Variants in SNTG1 observed in about 807,000 individuals in gnomAD.
SNTG1 encodes the protein gamma-1-syntrophin.
Under a neutral mutation model 74.7 loss-of-function variants are expected in SNTG1, and 39 were observed. That is an observed-to-expected ratio of 0.52 (90% confidence interval 0.40 to 0.68). SNTG1 has a LOEUF of 0.68. SNTG1 is among the 30% of genes least tolerant of loss of function. SNTG1 has a pLI of 0.00. For synonymous variants in SNTG1, 254 were observed against 217.1 expected (o/e 1.17, Z -1.49); for missense variants, 685 against 609.5 (o/e 1.12, Z -1.30).
intron 2 of SNTG1, among the ~76,000 whole-genome samples, chr8:50,212,601 T>C (rs2084574069): frequency 6.6e-6 from 1 of 152,166 alleles, no homozygotes; most frequent in South Asian, 2.1e-4. Context: ...TACTTTCTCA[T>C]AAGAAAATGA....
At chr8:50,106,827 G>C (rs556621658) in intron 1 of SNTG1, among the ~76,000 whole-genome samples, 4 of 152,024 alleles carry the variant, frequency 2.6e-5, no homozygotes, top group African/African-American at 9.7e-5. Context: ...TTCACAGATT[G>C]TATAGACTCA....
At chr8:49,956,456 A>G (rs998873584) in intron 1 of SNTG1, among the ~76,000 whole-genome samples, 1 of 152,176 alleles carries the variant, frequency 6.6e-6, no homozygotes, top group Non-Finnish European at 1.5e-5. Context: ...GTGGGTGGTA[A>G]GTAAGTTTGG....
At chr8:50,344,827 G>A (rs562348578) in intron 2 of SNTG1, among the ~76,000 whole-genome samples, 3 of 152,250 alleles carry the variant, frequency 2.0e-5, no homozygotes, top group Non-Finnish European at 2.9e-5. Context: ...CTAACCCCTA[G>A]TACCTCAGAC....
At chr8:50,282,468 A>G (rs2088520409) in intron 2 of SNTG1, among the ~76,000 whole-genome samples, 1 of 152,210 alleles carries the variant, frequency 6.6e-6, no homozygotes, top group Non-Finnish European at 1.5e-5. Context: ...AAGTTACTCA[A>G]CAAATTTACT....
intron 1 of SNTG1, among the ~76,000 whole-genome samples, chr8:50,170,242 AT>A (rs975524868): frequency 8.6e-5 from 13 of 152,020 alleles, no homozygotes; most frequent in African/African-American, 2.9e-4. Context: ...ACAAGGTTAC[AT>A]TTTTTTTAAT....
intron 1 of SNTG1, among the ~76,000 whole-genome samples, chr8:49,959,091 A>C (rs1208102742): frequency 6.6e-6 from 1 of 152,138 alleles, no homozygotes; most frequent in East Asian, 1.9e-4. Context: ...TTTCTCAACT[A>C]CTCAAAATAA....
chr8:50,780,568 A>G (rs560244320), intron 18 of SNTG1, among the ~76,000 whole-genome samples: 1 of 151,934 alleles, frequency 6.6e-6, no homozygotes, highest in East Asian at 1.9e-4. Flanking sequence ...ATCATTTTTT[A>G]TTGCATCTAT....
intron 17 of SNTG1, among the ~76,000 whole-genome samples, chr8:50,734,745 G>GGACATA (rs1563792165): frequency 5.5e-5 from 4 of 72,558 alleles, no homozygotes; most frequent in Admixed American, 2.5e-4. Flanking sequence ...ATATGGACAT[G>GGACATA]TATATAGATA....
chr8:50,475,646 C>T (rs1299856488), intron 8 of SNTG1, among the ~76,000 whole-genome samples: 2 of 152,118 alleles, frequency 1.3e-5, no homozygotes, highest in African/African-American at 4.8e-5. Context: ...GACAATAATG[C>T]TGTCTTTCAC....
chr8:50,154,603 A>G (rs1437811200), intron 1 of SNTG1, among the ~76,000 whole-genome samples: 1 of 152,236 alleles, frequency 6.6e-6, no homozygotes, highest in Non-Finnish European at 1.5e-5. Context: ...CGTTCCTCAA[A>G]TAATGAAATA....
intron 17 of SNTG1, among the ~76,000 whole-genome samples, chr8:50,716,738 T>TG (rs1415353605): frequency 1.3e-5 from 2 of 151,522 alleles, no homozygotes; most frequent in Non-Finnish European, 2.9e-5. Flanking sequence ...TTATTCTTTT[T>TG]TTTTTTCTTT....
At chr8:50,449,766 G>A in intron 6 of SNTG1, 41 bp downstream of exon 6, 1 of 1,486,260 alleles carries the variant, frequency 6.7e-7, no homozygotes. Context: ...ATTTCTTTAA[G>A]GCATTGTTTT....
At chr8:50,042,966 A>G (rs1818771736) in intron 1 of SNTG1, among the ~76,000 whole-genome samples, 1 of 152,254 alleles carries the variant, frequency 6.6e-6, no homozygotes, top group African/African-American at 2.4e-5. Context: ...CCACACAGGC[A>G]TGAGCCATTG....
chr8:50,349,679 A>G (rs1302839495), intron 2 of SNTG1, among the ~76,000 whole-genome samples: 1 of 152,174 alleles, frequency 6.6e-6, no homozygotes, highest in Non-Finnish European at 1.5e-5. Context: ...TTGGAAAGGC[A>G]CTTTGCTGTG....
chr8:50,249,140 C>G (rs1382735666), intron 2 of SNTG1, among the ~76,000 whole-genome samples: 1 of 152,150 alleles, frequency 6.6e-6, no homozygotes, highest in Non-Finnish European at 1.5e-5. Flanking sequence ...TGGTCTTCAT[C>G]ACTGCCAGAT....
At chr8:50,462,398 T>G (rs1485915479) in intron 8 of SNTG1, among the ~76,000 whole-genome samples, 5 of 137,114 alleles carry the variant, frequency 3.6e-5, no homozygotes, top group African/African-American at 1.3e-4. Flanking sequence ...GGATAGAGTT[T>G]GCCTCAATGT....
intron 8 of SNTG1, among the ~76,000 whole-genome samples, chr8:50,499,427 T>A (rs1341677072): frequency 6.7e-6 from 1 of 150,362 alleles, no homozygotes; most frequent in Admixed American, 6.6e-5. Context: ...AGGAGCTTTT[T>A]TTTTTTTTGG....
intron 18 of SNTG1, among the ~76,000 whole-genome samples, chr8:50,761,844 T>C (rs1055086641): frequency 6.6e-6 from 1 of 151,970 alleles, no homozygotes; most frequent in African/African-American, 2.4e-5. Flanking sequence ...GAAGTTTAAC[T>C]TACTACTATT....
At chr8:50,227,107 C>T (rs1410505703) in intron 2 of SNTG1, among the ~76,000 whole-genome samples, 1 of 152,104 alleles carries the variant, frequency 6.6e-6, no homozygotes, top group Non-Finnish European at 1.5e-5. Flanking sequence ...ATAACCGAAG[C>T]TGCCAGTTTT....
Sources: allele counts gnomAD v4.1 joint callset (sites outside exome capture counted in the v4.1 genomes callset), GRCh38; gene constraint gnomAD v4.1.1; transcripts MANE v1.5; gene names NCBI Gene and HGNC (gene_info 2026-07-23, HGNC 2026-07-21).